The following LYPD4 variants were observed in gnomAD, a reference collection of about 807,000 sequenced individuals.
LYPD4 encodes the protein ly6/PLAUR domain-containing protein 4.
Under a neutral mutation model 18.2 loss-of-function variants are expected in LYPD4, and 20 were observed. The ratio of observed to expected loss-of-function variants is 1.10; its 90% CI spans 0.77 to 1.59. The LOEUF (loss-of-function observed/expected upper bound fraction) is 1.59. LYPD4 is among the 40% of genes most tolerant of loss of function. The probability of loss-of-function intolerance (pLI) is 0.00; values close to 1 mark genes in which losing one functional copy is unlikely to be tolerated. For synonymous variants in LYPD4, 111 were observed against 118.3 expected (o/e 0.94, Z 0.40); for missense variants, 278 against 300.3 (o/e 0.93, Z 0.55).
At chr19:41,842,925 T>C (rs2073661134) in intron 1 of LYPD4, among the ~76,000 whole-genome samples, 1 of 147,000 alleles carries the variant, frequency 6.8e-6, no homozygotes, top group African/African-American at 2.5e-5. Context: ...AGGTCGGGTG[T>C]GGTCGTTCAT....
intron 1 of LYPD4, chr19:41,839,657 T>G (rs74728743): frequency 1.4e-5 from 3 of 221,756 alleles, no homozygotes; most frequent in Admixed American, 6.5e-5. Flanking sequence ...GAGAAACAAA[T>G]AGATGTTTCA....
chr19:41,843,615 A>T lies in LYPD4; in HGVS notation c.-158T>A, dbSNP rs1218637452. The T allele has an allele frequency of 6.6e-6, 1 of 151,564 alleles. No individual in the cohort carries two copies. The highest frequency in any genetic ancestry group is 2.4e-5 in the African/African-American group (1 of 41,180). 9.4% of individuals were successfully genotyped at this position (151,564 alleles called of 1,614,324 possible). On this transcript the variant is annotated 5_prime_UTR_variant, in exon 1 of 5. Transcript: ENST00000609812. ...ATCTAGGACAGCTCCCCTGCCCAGC[A>T]GTCCAGCTAGAGGTCACGTCGGCCA...
intron 3 of LYPD4, 36 bp downstream of exon 3, chr19:41,838,845 A>G (rs2073470672): frequency 6.2e-7 from 1 of 1,609,942 alleles, no homozygotes; most frequent in South Asian, 1.1e-5. Flanking sequence ...CAGAAGAGCA[A>G]GCAAAACGAA....
Position 41,839,325 on chromosome 19 carries a change from G to T in LYPD4, c.-40C>A, listed in dbSNP as rs372604667. 6 of 1,589,690 alleles carry T rather than the reference G, an allele frequency of 3.8e-6. No individual in the cohort carries two copies. Among genetic ancestry groups the T allele is most frequent in the Non-Finnish European group, 5.2e-6 (6 of 1,157,806 alleles). ...GTCCTGGGTGCTAGAGGTCAGTCTG[G>T]AATCAGTTTCAGTCTGGATCCCAAG... On this transcript the variant is annotated 5_prime_UTR_variant, in exon 2 of 5. Transcript: ENST00000609812.
At chr19:41,836,919 G>A (rs1555830478), downstream of LYPD4, among the ~76,000 whole-genome samples, 1 of 152,022 alleles carries the variant, frequency 6.6e-6, no homozygotes, top group African/African-American at 2.4e-5. Context: ...AGAGGAAGGG[G>A]AAGGAGAAAA....
At chr19:41,840,218 A>G (rs2073536827) in intron 1 of LYPD4, among the ~76,000 whole-genome samples, 1 of 152,142 alleles carries the variant, frequency 6.6e-6, no homozygotes, top group South Asian at 2.1e-4. Context: ...TCTAGGTAAG[A>G]GTACTGTACA....
chr19:41,839,444 A>T (rs1555832694), intron 1 of LYPD4, 39 bp from the exon 2 acceptor site: 16 of 672,576 alleles, frequency 2.4e-5, no homozygotes, highest in Non-Finnish European at 5.2e-6. Context: ...TCTAGGACAT[A>T]GGCTCCCTCA....
In LYPD4 at chr19:41,843,906, C is replaced by CAAAAAAAA. The variant is rs869092949; in HGVS notation, c.-457_-450dup. The CAAAAAAAA allele has an allele frequency of 5.3e-5, 2 of 37,572 alleles. No homozygotes were observed. The highest frequency in any genetic ancestry group is 1.8e-4 in the African/African-American group (1 of 5,650). 2.3% of individuals were successfully genotyped at this position (37,572 alleles called of 1,614,324 possible). Reference sequence around the variant, plus strand: ...AAAAGATTGAAGTGAAATCCTCAAGCAAAAAAAAAAAAAAAAAAAAAAAAA... The same window carrying CAAAAAAAA: ...AAAAGATTGAAGTGAAATCCTCAAGCAAAAAAAAAAAAAAAAAAAAAAAAAAAAAAAAA... On this transcript the variant is annotated 5_prime_UTR_variant, in exon 1 of 5. Transcript: ENST00000609812.
chr19:41,836,318 A>C (rs1413778018), downstream of LYPD4, among the ~76,000 whole-genome samples: 2 of 136,748 alleles, frequency 1.5e-5, no homozygotes, highest in African/African-American at 2.7e-5. Flanking sequence ...AAAAAAAAAA[A>C]AAAAAAAAAC....
intron 4 of LYPD4, 136 bp from the exon 5 acceptor site, chr19:41,837,481 G>A: frequency 1.1e-6 from 1 of 917,342 alleles, no homozygotes; most frequent in Non-Finnish European, 1.7e-6. Flanking sequence ...AGGACTTAAG[G>A]CCAGGAGTTT....
At chr19:41,838,813 T>C (rs1379861992) in intron 3 of LYPD4, 68 bp downstream of exon 3, 2 of 1,489,132 alleles carry the variant, frequency 1.3e-6, no homozygotes, top group African/African-American at 2.8e-5. Flanking sequence ...AGTCCCTCGG[T>C]GCTGGGAGTG....
In LYPD4 at chr19:41,837,341, A is replaced by G. The variant is rs2073399655; in HGVS notation, c.543T>C (p.Phe181=). 3.7e-5 allele frequency: 59 copies of G among 1,613,858 alleles called. No homozygotes were observed. The highest frequency in any genetic ancestry group is 4.9e-5 in the Non-Finnish European group (58 of 1,179,896). The change falls in exon 5 of 5, where the codon TTT becomes TTC. Residue 181 remains phenylalanine, a synonymous_variant. Coordinates refer to ENST00000609812, the MANE Select transcript of LYPD4 (RefSeq NM_173506.7). ...YSSTLKFQAG[F]LNTTFLLMGC... is the part of the protein sequence containing the mutation. ...CCATGAGGAGGAAGGTGGTATTGAG[A>G]AACCCTGTAAGGAAGAGAGGGAGAA...
At chr19:41,836,325 A>AAAAAAAAAAAAAAAAC (rs2073373565), downstream of LYPD4, among the ~76,000 whole-genome samples, 1 of 133,532 alleles carries the variant, frequency 7.5e-6, no homozygotes, top group Non-Finnish European at 1.6e-5. Flanking sequence ...AAAAAAAAAA[A>AAAAAAAAAAAAAAAAC]AACAACTACT....
chr19:41,844,789 G>A (rs909662030), upstream of LYPD4: 1 of 152,424 alleles, frequency 6.6e-6, no homozygotes, highest in Non-Finnish European at 1.5e-5. Flanking sequence ...TCGAAAGGGG[G>A]AAGACAGTCT....
chr19:41,838,561 G>C (rs1171880015), intron 3 of LYPD4, among the ~76,000 whole-genome samples: 7 of 151,964 alleles, frequency 4.6e-5, no homozygotes, highest in African/African-American at 1.4e-4. Context: ...ACAACCAGTG[G>C]GGCCCTGCCC....
chr19:41,843,064 AAAAAAAAAAAAAACCC>A (rs2073686116), intron 1 of LYPD4, among the ~76,000 whole-genome samples: 2 of 40,414 alleles, frequency 4.9e-5, no homozygotes, highest in Admixed American at 3.8e-4. Context: ...AAAAAAAAAA[AAAAAAAAAAAAAACCC>A]CAACAACAAC....
downstream of LYPD4, chr19:41,837,058 A>G: frequency 6.3e-7 from 1 of 1,586,996 alleles, no homozygotes; most frequent in South Asian, 1.1e-5. Context: ...TCTCTCATGG[A>G]CCACAGGACA....
At position 41,837,115 on chromosome 19, in the gene LYPD4, T is replaced by C; in HGVS notation, c.*28A>G. 6.2e-7 allele frequency: 1 copy of C among 1,613,342 alleles called. No homozygotes were observed. Among genetic ancestry groups the C allele is most frequent in the South Asian group, 1.1e-5 (1 of 91,034 alleles). On this transcript the variant is annotated 3_prime_UTR_variant, in exon 5 of 5. Coordinates refer to ENST00000609812, the MANE Select transcript of LYPD4 (RefSeq NM_173506.7). ...ATTTTATTTGTTATGTGAAAGAGTC[T>C]GGGTGCTTGTCGGGTGCAGCTAGAT...
chr19:41,844,378 A>T lies in LYPD4; in HGVS notation c.-921T>A, dbSNP rs782363033. The T allele has an allele frequency of 6.6e-6, 1 of 152,310 alleles. No individual in the cohort carries two copies. Among genetic ancestry groups the T allele is most frequent in the Non-Finnish European group, 1.5e-5 (1 of 68,104 alleles). The allele number at this position is 152,310 out of a possible 1,614,324, so 9.4% of individuals were successfully genotyped here. A position where few individuals can be genotyped will look rare whatever the true frequency, so the allele number is the denominator to read the frequency against. On this transcript the variant is annotated 5_prime_UTR_variant, in exon 1 of 5. Coordinates refer to ENST00000609812, the MANE Select transcript of LYPD4 (RefSeq NM_173506.7). ...GAAGCACGGGAGAAAATGGGTCCGA[A>T]GAGGGAGAGCGTCCGAGAGAAAAGG... is the stretch of plus-strand genomic sequence containing the variant.
Sources: gnomAD v4.1 joint callset for allele counts (sites outside exome capture counted in the v4.1 genomes callset) on GRCh38, gnomAD v4.1.1 for gene constraint, MANE v1.5 for transcripts, NCBI Gene and HGNC (gene_info 2026-07-23, HGNC 2026-07-21) for gene names.